The following KDF1 variants were observed in gnomAD, a reference collection of about 807,000 sequenced individuals.
The protein encoded by KDF1 is RP11-344H11.3.
A neutral mutation model predicts 31.6 loss-of-function variants in KDF1; 11 were observed. That is an observed-to-expected ratio of 0.35 (90% CI 0.22 to 0.58). KDF1 has a LOEUF of 0.58. Among genes scored for constraint, KDF1 ranks in the 20% least tolerant of loss-of-function variants. The pLI is 0.83. For missense variants in KDF1, 476 were observed against 549.1 expected (o/e 0.87, Z 1.33); for synonymous variants, 205 against 214.4 (o/e 0.96, Z 0.38).
intron 1 of KDF1, among the ~76,000 whole-genome samples, chr1:26,957,714 A>C (rs1050476999): frequency 1.3e-5 from 2 of 152,174 alleles, no homozygotes; most frequent in Non-Finnish European, 2.9e-5. Context: ...AGTGGTTAAA[A>C]ATCTTTGCTT....
In KDF1 at chr1:26,950,558, T is replaced by C. The variant is rs750107121; in HGVS notation, c.1114+124A>G. The stretch of plus-strand genomic sequence containing the variant: ...TAGATGGAGACAGGTCTGTGGCTGC[T>C]TAGGTCCCCGTCCCTTTTTGATGTC... On this transcript the variant is annotated intron_variant, in intron 3 of 3. Transcript: ENST00000320567. This position sits in a 1 kb window ranked among gnomAD's most constrained non-coding sequence, Gnocchi z 4.0. 11 of 810,002 alleles carry C rather than the reference T, an allele frequency of 1.4e-5. No individual in the cohort carries two copies. Among genetic ancestry groups the C allele is most frequent in the Non-Finnish European group, 2.3e-5 (11 of 482,396 alleles). 50.2% of individuals were successfully genotyped at this position (810,002 alleles called of 1,614,324 possible).
chr1:26,950,036 C>A lies in KDF1; in HGVS notation c.*33G>T. The A allele has an allele frequency of 6.3e-7, 1 of 1,590,228 alleles. No homozygotes were observed. The highest frequency in any genetic ancestry group is 8.6e-7 in the Non-Finnish European group (1 of 1,158,840). On this transcript the variant is annotated 3_prime_UTR_variant, in exon 4 of 4. Coordinates refer to ENST00000320567, the MANE Select transcript of KDF1 (RefSeq NM_152365.3). This position sits in a 1 kb window ranked among gnomAD's most constrained non-coding sequence, Gnocchi z 4.0. ...TTCATTCTGTAGGCCATGCTTCTCC[C>A]AGAAAGGGTGTGGCAGCTGGGCCTG... is the stretch of plus-strand genomic sequence containing the variant.
At chr1:26,955,869 C>A (rs951961917) in intron 1 of KDF1, among the ~76,000 whole-genome samples, 1 of 152,096 alleles carries the variant, frequency 6.6e-6, no homozygotes, top group Non-Finnish European at 1.5e-5. Context: ...GCAGGAGAAT[C>A]GCTTGAACTT....
At chr1:26,959,748 C>T (rs2082392821) in intron 1 of KDF1, among the ~76,000 whole-genome samples, 1 of 152,144 alleles carries the variant, frequency 6.6e-6, no homozygotes, top group East Asian at 1.9e-4. Flanking sequence ...CCCGGCCGCA[C>T]CAGCCTCTGC....
chr1:26,959,080 G>A (rs2082389610), intron 1 of KDF1, among the ~76,000 whole-genome samples: 1 of 152,232 alleles, frequency 6.6e-6, no homozygotes, highest in Non-Finnish European at 1.5e-5. Context: ...GGAATCTGAA[G>A]CTCAGAAAGG....
rs762075123 is a variant in KDF1, at chr1:26,952,291, A to G, written c.90T>C (p.Tyr30=). The G allele has an allele frequency of 1.3e-6, 2 of 1,555,200 alleles. No homozygotes were observed. The highest frequency in any genetic ancestry group is 1.4e-5 in the African/African-American group (1 of 73,304). ...ERPTELCLET[Y]DKPPQPPPSR... is the part of the protein sequence containing the mutation. The stretch of plus-strand genomic sequence containing the variant: ...TTGGTGGGGGCTGAGGTGGTTTATC[A>G]TATGTCTCCAGACATAGCTCTGTTG... The change falls in exon 2 of 4, where the codon TAT becomes TAC. Residue 30 remains tyrosine, a synonymous_variant. Coordinates refer to ENST00000320567, the MANE Select transcript of KDF1 (RefSeq NM_152365.3). This position sits in a 1 kb window ranked among gnomAD's most constrained non-coding sequence, Gnocchi z 4.1.
chr1:26,957,605 G>A (rs921716218), intron 1 of KDF1, among the ~76,000 whole-genome samples: 2 of 152,100 alleles, frequency 1.3e-5, no homozygotes, highest in Non-Finnish European at 2.9e-5. Flanking sequence ...GAGTATGGAT[G>A]GGGGATAGGA....
chr1:26,950,200 C>T lies in KDF1; in HGVS notation c.1115-49G>A, dbSNP rs1167028849. On this transcript the variant is annotated intron_variant, in intron 3 of 3. Coordinates refer to ENST00000320567, the MANE Select transcript of KDF1 (RefSeq NM_152365.3). The surrounding 1 kb of genome is among the most constrained non-coding windows in gnomAD (Gnocchi z 4.0). ...GGAAACAGGCTCAGGGGAAGGAGCT[C>T]ATCCAGATCCCATGACCAGGGAGAA... 5.2e-6 allele frequency: 8 copies of T among 1,526,130 alleles called. No homozygotes were observed. In the South Asian group the frequency reaches 5.6e-5, roughly 11 times the overall value. 94.5% of individuals were successfully genotyped at this position (1,526,130 alleles called of 1,614,324 possible).
At chr1:26,953,153 T>TATCA (rs1371839830) in intron 1 of KDF1, among the ~76,000 whole-genome samples, 1 of 152,248 alleles carries the variant, frequency 6.6e-6, no homozygotes, top group African/African-American at 2.4e-5. Context: ...TTCCTTTAAG[T>TATCA]ATCATGCTGG....
chr1:26,957,882 T>A (rs370205201), intron 1 of KDF1, among the ~76,000 whole-genome samples: 19 of 152,122 alleles, frequency 1.2e-4, no homozygotes, highest in Admixed American at 1.0e-3. Context: ...TGGCACGATC[T>A]TGGCTCACTG....
chr1:26,951,499 C>T lies in KDF1; in HGVS notation c.882G>A (p.Glu294=). The part of the protein sequence containing the change: ...QDYHLDEQDA[E]GRLVRGIIRI... ...GAATGATGCCGCGTACCAGGCGGCC[C>T]TCAGCATCCTGCTCATCCAGGTGGT... The change falls in exon 2 of 4, where the codon GAG becomes GAA. Residue 294 remains glutamate, a synonymous_variant. Coordinates refer to ENST00000320567, the MANE Select transcript of KDF1 (RefSeq NM_152365.3). This position sits in a 1 kb window ranked among gnomAD's most constrained non-coding sequence, Gnocchi z 5.4. 2 of 1,613,540 alleles carry T rather than the reference C, an allele frequency of 1.2e-6. No individual in the cohort carries two copies. The highest frequency in any genetic ancestry group is 1.7e-6 in the Non-Finnish European group (2 of 1,179,536).
rs140406611 is a variant in KDF1, at chr1:26,950,669, G to T, written c.1114+13C>A. ...CCCCACCCTCCACACCCCTCATTAG[G>T]TCAAGACCACACCTGGAGCTCCATA... On this transcript the variant is annotated intron_variant, in intron 3 of 3. Coordinates refer to ENST00000320567, the MANE Select transcript of KDF1 (RefSeq NM_152365.3). This position sits in a 1 kb window ranked among gnomAD's most constrained non-coding sequence, Gnocchi z 4.0. 4.3e-4 allele frequency: 692 copies of T among 1,613,092 alleles called. 6 individuals carry two copies. In the African/African-American group the frequency reaches 8.1e-3, roughly 19 times the overall value.
chr1:26,952,179 C>T lies in KDF1; in HGVS notation c.202G>A (p.Ala68Thr), dbSNP rs767081810. 2 of 1,613,382 alleles carry T rather than the reference C, an allele frequency of 1.2e-6. No individual in the cohort carries two copies. Among genetic ancestry groups the T allele is most frequent in the East Asian group, 2.2e-5 (1 of 44,884 alleles). The change falls in exon 2 of 4, where the codon GCC (alanine) becomes ACC (threonine). Residue 68 changes from alanine (A) to threonine (T), a missense_variant. By Grantham distance (58) the Ala-to-Thr change is moderately conservative. Transcript: ENST00000320567. This position sits in a 1 kb window ranked among gnomAD's most constrained non-coding sequence, Gnocchi z 4.1. ...ITFISGSAEPALESPTCCLLW... is the reference protein window; with the variant it reads ...ITFISGSAEPTLESPTCCLLW... Reference sequence around the variant, plus strand: ...AGGCAGCAGGTGGGGGACTCAAGGGCCGGCTCAGCAGAGCCAGAGATGAAG... The same window carrying T: ...AGGCAGCAGGTGGGGGACTCAAGGGTCGGCTCAGCAGAGCCAGAGATGAAG...
chr1:26,951,685 G>T lies in KDF1; in HGVS notation c.696C>A (p.Gly232=). 6.2e-7 allele frequency: 1 copy of T among 1,613,846 alleles called. No homozygotes were observed. The highest frequency in any genetic ancestry group is 1.1e-5 in the South Asian group (1 of 91,082). The change falls in exon 2 of 4, where the codon GGC becomes GGA. Residue 232 remains glycine (G), a synonymous_variant. Coordinates refer to ENST00000320567, the MANE Select transcript of KDF1 (RefSeq NM_152365.3). The surrounding 1 kb of genome is among the most constrained non-coding windows in gnomAD (Gnocchi z 5.4). The stretch of plus-strand genomic sequence containing the variant: ...CATCAATTTCTCGGCTCGACATGGA[G>T]CCACTGCCCATCTCCGGCAGGTCCA... ...SDLDLPEMGS[G]SMSSREIDVL...
In KDF1 at chr1:26,951,804, C is replaced by T; in HGVS notation, c.577G>A (p.Ala193Thr). 6.2e-7 allele frequency: 1 copy of T among 1,614,076 alleles called. No individual in the cohort carries two copies. Among genetic ancestry groups the T allele is most frequent in the South Asian group, 1.1e-5 (1 of 91,090 alleles). The part of the protein sequence containing the change: ...DADSCCKEPL[A>T]DPPPMRHSLP... ...CTGTGTCGCATGGGTGGGGGATCGG[C>T]CAGTGGCTCCTTGCAGCAGGAGTCC... Residue 193 changes from alanine (A) to threonine (T), a missense_variant, in exon 2 of 4, where the codon GCC (alanine) becomes ACC (threonine). Coordinates refer to ENST00000320567, the MANE Select transcript of KDF1 (RefSeq NM_152365.3). The surrounding 1 kb of genome is among the most constrained non-coding windows in gnomAD (Gnocchi z 5.4).
In KDF1 at chr1:26,952,371, G is replaced by A. The variant is rs2082356657; in HGVS notation, c.10C>T (p.Pro4Ser). The A allele has an allele frequency of 2.7e-6, 4 of 1,504,730 alleles. No homozygotes were observed. Among genetic ancestry groups the A allele is most frequent in the Non-Finnish European group, 3.5e-6 (4 of 1,132,020 alleles). The allele number at this position is 1,504,730 out of a possible 1,614,324, so 93.2% of individuals were successfully genotyped here. A position where few individuals can be genotyped will look rare whatever the true frequency, so the allele number is the denominator to read the frequency against. The change falls in exon 2 of 4, where the codon CCT (proline) becomes TCT (serine). Residue 4 changes from proline (P) to serine (S), a missense_variant. Transcript: ENST00000320567. The surrounding 1 kb of genome is among the most constrained non-coding windows in gnomAD (Gnocchi z 4.1). ...CCAGATGCTGGGCGGGGGTGTCCAG[G>A]GCGGGGCATGGCTCATTGCATGGTT... MPR[P>S]GHPRPASGPP...
Position 26,960,223 on chromosome 1 carries a change from C to T in KDF1, c.-33+127G>A, listed in dbSNP as rs1488354315. The T allele has an allele frequency of 6.6e-6, 1 of 152,386 alleles. No homozygotes were observed. The highest frequency in any genetic ancestry group is 1.5e-5 in the Non-Finnish European group (1 of 68,188). 9.4% of individuals were successfully genotyped at this position (152,386 alleles called of 1,614,324 possible). A position where few individuals can be genotyped will look rare whatever the true frequency, so the allele number is the denominator to read the frequency against. ...GCTCCCCAGCCCGGCCCGCGCACCC[C>T]GGAAGTAGGAGGGTGGCCCCCGAGG... On this transcript the variant is annotated intron_variant, in intron 1 of 3. Transcript: ENST00000320567. This position sits in a 1 kb window ranked among gnomAD's most constrained non-coding sequence, Gnocchi z 4.9.
At position 26,952,086 on chromosome 1, in the gene KDF1, G is replaced by C. The variant is rs144301593; in HGVS notation, c.295C>G (p.Leu99Val). The C allele has an allele frequency of 9.9e-6, 16 of 1,613,252 alleles. No individual in the cohort carries two copies. The African/African-American group carries it at 2.0e-4, about 20-fold the overall frequency. ...AFCFRRCRDCLQRCGACVRGC... is the reference protein window; with the variant it reads ...AFCFRRCRDCVQRCGACVRGC... ...CGCACACAGGCTCCACAGCGCTGGA[G>C]GCAATCCCGGCAGCGGCGGAAGCAG... The change falls in exon 2 of 4, where the codon CTC (leucine) becomes GTC (valine). Residue 99 changes from leucine (L) to valine (V), a missense_variant. Around this residue, in one of 2 missense-constraint regions of KDF1, gnomAD observed 330 missense variants for 332.3 expected, o/e 0.99. Coordinates refer to ENST00000320567, the MANE Select transcript of KDF1 (RefSeq NM_152365.3). This position sits in a 1 kb window ranked among gnomAD's most constrained non-coding sequence, Gnocchi z 4.1.
intron 1 of KDF1, among the ~76,000 whole-genome samples, chr1:26,954,261 T>C (rs1436079341): frequency 6.6e-6 from 1 of 150,952 alleles, no homozygotes; most frequent in East Asian, 2.0e-4. Context: ...TCTCACTCCG[T>C]TACTGAGGCT....
Sources: allele counts gnomAD v4.1 joint callset (sites outside exome capture counted in the v4.1 genomes callset), GRCh38; gene constraint gnomAD v4.1.1; regional missense constraint gnomAD v4.1.1; non-coding constraint Gnocchi (gnomAD v3.1); transcripts MANE v1.5; gene names NCBI Gene and HGNC (gene_info 2026-07-23, HGNC 2026-07-21).